Variants in DAB1 observed in about 807,000 individuals in gnomAD.
DAB1 encodes disabled homolog 1.
A neutral mutation model predicts 64.6 loss-of-function variants in DAB1; 15 were observed. The ratio of observed to expected loss-of-function variants is 0.23; its 90% CI spans 0.16 to 0.36. The LOEUF is 0.36. Among genes scored for constraint, DAB1 ranks in the 10% least tolerant of loss-of-function variants. The pLI, the probability that DAB1 is intolerant of heterozygous loss-of-function variation, is 1.00. For missense variants in DAB1, 596 were observed against 706.7 expected, an observed-to-expected ratio of 0.84 and a Z score of 1.78; for synonymous variants, 235 against 251.9, an observed-to-expected ratio of 0.93 and a Z score of 0.64.
upstream of DAB1, among the ~76,000 whole-genome samples, chr1:57,889,032 G>A (rs754314474): frequency 3.9e-5 from 6 of 152,146 alleles, no homozygotes; most frequent in Non-Finnish European, 7.3e-5. Flanking sequence ...AGCTCAGAAC[G>A]TCTGTCATGG....
chr1:57,299,398 G>C (rs1030333877), intron 1 of DAB1, among the ~76,000 whole-genome samples: 3 of 152,106 alleles, frequency 2.0e-5, no homozygotes, highest in Non-Finnish European at 4.4e-5. Flanking sequence ...GTCAATCTTC[G>C]GCAAGGCAAA....
At chr1:58,275,066 A>G in intron 4 of DAB1, among the ~76,000 whole-genome samples, 1 of 152,246 alleles carries the variant, frequency 6.6e-6, no homozygotes, top group South Asian at 2.1e-4. Context: ...AGGTGCCAAG[A>G]ACACTTAATA....
chr1:57,238,200 A>G (rs1668234110), intron 2 of DAB1, among the ~76,000 whole-genome samples: 1 of 152,178 alleles, frequency 6.6e-6, no homozygotes, highest in Non-Finnish European at 1.5e-5. Flanking sequence ...GGAAGGTGTT[A>G]GGAATGAGAA....
At chr1:57,207,434 C>CCTTTTT (rs1665656159) in intron 2 of DAB1, among the ~76,000 whole-genome samples, 4 of 130,980 alleles carry the variant, frequency 3.1e-5, no homozygotes, top group Admixed American at 2.5e-4. Context: ...TAATTCATAC[C>CCTTTTT]TTATTTCCTT....
chr1:57,247,408 G>C (rs1304690808), intron 2 of DAB1, among the ~76,000 whole-genome samples: 2 of 152,166 alleles, frequency 1.3e-5, no homozygotes, highest in Non-Finnish European at 2.9e-5. Flanking sequence ...TGCCATGACT[G>C]TAAGTTTCCT....
intron 6 of DAB1, among the ~76,000 whole-genome samples, chr1:57,796,364 A>G (rs1650864733): frequency 6.6e-6 from 1 of 151,934 alleles, no homozygotes; most frequent in Non-Finnish European, 1.5e-5. Flanking sequence ...CGTCTCTACT[A>G]AAAATACAAA....
At chr1:57,570,810 T>C (rs540918364) in intron 7 of DAB1, among the ~76,000 whole-genome samples, 15 of 152,356 alleles carry the variant, frequency 9.8e-5, no homozygotes, top group African/African-American at 3.4e-4. Context: ...TTCACAATAT[T>C]GATTCTACCC....
chr1:57,574,256 TA>T (rs1344631228), intron 7 of DAB1, among the ~76,000 whole-genome samples: 1 of 152,040 alleles, frequency 6.6e-6, no homozygotes, highest in Non-Finnish European at 1.5e-5. Context: ...GGACAGGGCA[TA>T]AAGAGGGCAT....
At chr1:57,075,107 T>A (rs1385922704) in intron 4 of DAB1, among the ~76,000 whole-genome samples, 1 of 152,224 alleles carries the variant, frequency 6.6e-6, no homozygotes, top group Non-Finnish European at 1.5e-5. Flanking sequence ...ACGTTTCCTA[T>A]TAAATCAAAG....
intron 2 of DAB1, among the ~76,000 whole-genome samples, chr1:58,507,574 A>G (rs975611503): frequency 1.3e-4 from 20 of 152,072 alleles, no homozygotes; most frequent in Admixed American, 1.3e-3. Context: ...ACAGATATGG[A>G]TATACATGTT....
At chr1:57,762,366 G>A (rs1447252635) in intron 6 of DAB1, among the ~76,000 whole-genome samples, 1 of 151,994 alleles carries the variant, frequency 6.6e-6, no homozygotes, top group Admixed American at 6.6e-5. Flanking sequence ...TTTCAAAATG[G>A]CTCATGTCTC....
At chr1:57,028,246 G>A (rs1646855486) in intron 9 of DAB1, among the ~76,000 whole-genome samples, 1 of 152,140 alleles carries the variant, frequency 6.6e-6, no homozygotes, top group African/African-American at 2.4e-5. Context: ...AAGATCTGAT[G>A]GGTTTATCAG....
At chr1:57,621,265 T>TGA (rs1645855234) in intron 7 of DAB1, among the ~76,000 whole-genome samples, 2 of 77,572 alleles carry the variant, frequency 2.6e-5, no homozygotes, top group Non-Finnish European at 7.2e-5. Flanking sequence ...GAGATTGTTG[T>TGA]GTGTGTGTGT....
At chr1:57,688,597 C>A (rs12069829) in intron 6 of DAB1, among the ~76,000 whole-genome samples, 1,687 of 152,084 alleles carry the variant, frequency 0.011, 27 homozygotes, top group African/African-American at 0.039. Flanking sequence ...ATCATTATAC[C>A]AAAAAGACAC....
chr1:57,794,280 G>T (rs1650738542), intron 6 of DAB1, among the ~76,000 whole-genome samples: 1 of 152,138 alleles, frequency 6.6e-6, no homozygotes, highest in Non-Finnish European at 1.5e-5. Flanking sequence ...ACAAATTCTT[G>T]TCACCAACAG....
intron 3 of DAB1, among the ~76,000 whole-genome samples, chr1:58,414,474 T>C (rs1281940411): frequency 6.6e-6 from 1 of 152,266 alleles, no homozygotes; most frequent in Non-Finnish European, 1.5e-5. Context: ...GCAAAGAATG[T>C]ATTTTGTTTA....
intron 9 of DAB1, among the ~76,000 whole-genome samples, chr1:57,049,278 T>C (rs1557626157): frequency 6.6e-6 from 1 of 150,700 alleles, no homozygotes; most frequent in Admixed American, 6.6e-5. Flanking sequence ...TGAAACCCTG[T>C]CTCTACTAAA....
At chr1:58,085,718 A>G (rs1216890066) in intron 5 of DAB1, among the ~76,000 whole-genome samples, 1 of 152,000 alleles carries the variant, frequency 6.6e-6, no homozygotes, top group Non-Finnish European at 1.5e-5. Flanking sequence ...AAGTATTAAA[A>G]TCTCTCAATG....
intron 2 of DAB1, among the ~76,000 whole-genome samples, chr1:57,150,369 A>G (rs931225065): frequency 6.6e-6 from 1 of 152,158 alleles, no homozygotes; most frequent in Non-Finnish European, 1.5e-5. Flanking sequence ...ATTATTCTCA[A>G]AAGTATTCCA....
Sources: allele counts gnomAD v4.1 joint callset (sites outside exome capture counted in the v4.1 genomes callset), GRCh38; gene constraint gnomAD v4.1.1; transcripts MANE v1.5; gene names NCBI Gene and HGNC (gene_info 2026-07-23, HGNC 2026-07-21).